The following HEMK2 variants were observed in gnomAD, a reference collection of about 807,000 sequenced individuals.
The protein encoded by HEMK2 is HemK methyltransferase 2, ETF1 glutamine and histone H4 lysine.
chr21:28,831,635 GA>G, the HEMK2 span, among the ~76,000 whole-genome samples: 15 of 28,168 alleles, frequency 5.3e-4, no homozygotes, highest in South Asian at 4.2e-3. Flanking sequence ...AAGAAGGAAG[GA>G]AAGAAAGAAA....
chr21:28,838,972 A>AAAAAAAATAT, the HEMK2 span, among the ~76,000 whole-genome samples: 10 of 29,148 alleles, frequency 3.4e-4, no homozygotes, highest in African/African-American at 5.8e-4. Context: ...AAAAAAAAAA[A>AAAAAAAATAT]ATATATATAT....
At chr21:28,600,404 G>A in the HEMK2 span, among the ~76,000 whole-genome samples, 1 of 152,352 alleles carries the variant, frequency 6.6e-6, no homozygotes, top group African/African-American at 2.4e-5. Context: ...GCTGTACCTT[G>A]GCCCCTTTTG....
chr21:28,752,420 G>A, the HEMK2 span, among the ~76,000 whole-genome samples: 1 of 152,234 alleles, frequency 6.6e-6, no homozygotes, highest in African/African-American at 2.4e-5. Context: ...ATCAAGGTAT[G>A]TGAGCCTGGC....
At chr21:28,757,046 C>A in the HEMK2 span, among the ~76,000 whole-genome samples, 1 of 152,228 alleles carries the variant, frequency 6.6e-6, no homozygotes, top group Admixed American at 6.5e-5. Context: ...CTCTACTACA[C>A]ATACTGCTAT....
At chr21:28,779,348 G>A in the HEMK2 span, among the ~76,000 whole-genome samples, 6 of 152,160 alleles carry the variant, frequency 3.9e-5, no homozygotes, top group Non-Finnish European at 8.8e-5. Flanking sequence ...ATCATGAGGA[G>A]TGAAATAAGC....
At chr21:28,766,864 G>T in the HEMK2 span, among the ~76,000 whole-genome samples, 608 of 152,108 alleles carry the variant, frequency 4.0e-3, 1 homozygote, top group Non-Finnish European at 7.2e-3. Context: ...AGGTTGGGAG[G>T]GGGTGAGGGA....
the HEMK2 span, among the ~76,000 whole-genome samples, chr21:28,601,056 T>C: frequency 4.6e-5 from 7 of 152,218 alleles, no homozygotes; most frequent in East Asian, 5.8e-4. Context: ...TTCTAACATA[T>C]TATGTCAACT....
At chr21:28,677,036 G>A in the HEMK2 span, among the ~76,000 whole-genome samples, 1 of 152,186 alleles carries the variant, frequency 6.6e-6, no homozygotes, top group Admixed American at 6.5e-5. Flanking sequence ...ACTGGGGAGT[G>A]TCAGAAAGTG....
the HEMK2 span, among the ~76,000 whole-genome samples, chr21:28,841,430 A>AT: frequency 4.5e-3 from 301 of 66,332 alleles, 17 homozygotes; most frequent in African/African-American, 0.02. Context: ...TATATAAAAT[A>AT]TATATATTAT....
the HEMK2 span, among the ~76,000 whole-genome samples, chr21:28,595,637 T>C: frequency 6.6e-6 from 1 of 152,214 alleles, no homozygotes; most frequent in African/African-American, 2.4e-5. Context: ...GCAAGAAATA[T>C]GGGAGTGCAC....
At chr21:28,635,103 T>TG in the HEMK2 span, among the ~76,000 whole-genome samples, 3 of 120,790 alleles carry the variant, frequency 2.5e-5, no homozygotes, top group African/African-American at 8.6e-5. Context: ...GTCCTCATCT[T>TG]TTTTTTTTTT....
At chr21:28,588,996 A>G in the HEMK2 span, among the ~76,000 whole-genome samples, 1 of 151,834 alleles carries the variant, frequency 6.6e-6, no homozygotes, top group African/African-American at 2.4e-5. Flanking sequence ...AAAAAAAAAA[A>G]AAGAGTTATT....
At chr21:28,611,694 G>A in the HEMK2 span, among the ~76,000 whole-genome samples, 4 of 152,018 alleles carry the variant, frequency 2.6e-5, no homozygotes, top group South Asian at 8.3e-4. Flanking sequence ...GATCACTTGA[G>A]GTCAGGAGTT....
chr21:28,700,868 T>C, the HEMK2 span, among the ~76,000 whole-genome samples: 1 of 151,314 alleles, frequency 6.6e-6, no homozygotes, highest in African/African-American at 2.4e-5. Flanking sequence ...TAGGACAATA[T>C]CCCTGATGAA....
At chr21:28,680,999 G>A in the HEMK2 span, among the ~76,000 whole-genome samples, 1 of 152,146 alleles carries the variant, frequency 6.6e-6, no homozygotes, top group Non-Finnish European at 1.5e-5. Flanking sequence ...CACAAGACAG[G>A]GATGCCCTCT....
the HEMK2 span, among the ~76,000 whole-genome samples, chr21:28,644,156 G>T: frequency 2.6e-5 from 4 of 152,250 alleles, no homozygotes; most frequent in Admixed American, 6.5e-5. Context: ...CACATGGCTG[G>T]GGAGGCCTCA....
the HEMK2 span, among the ~76,000 whole-genome samples, chr21:28,649,858 A>AAT: frequency 0.017 from 620 of 36,440 alleles, 15 homozygotes; most frequent in East Asian, 0.42. Flanking sequence ...AAAATAATAA[A>AAT]ATAATAAAAT....
the HEMK2 span, among the ~76,000 whole-genome samples, chr21:28,702,285 C>T: frequency 6.8e-6 from 1 of 146,746 alleles, no homozygotes; most frequent in East Asian, 2.0e-4. Flanking sequence ...GATCTTATGA[C>T]AAAGATGCCA....
chr21:28,687,429 A>AGAT, the HEMK2 span, among the ~76,000 whole-genome samples: 1 of 152,192 alleles, frequency 6.6e-6, no homozygotes, highest in Non-Finnish European at 1.5e-5. Context: ...TTTGTGGAGG[A>AGAT]GATTCAGGAA....
Sources: gnomAD v4.1 joint callset for allele counts (sites outside exome capture counted in the v4.1 genomes callset) on GRCh38, gnomAD v4.1.1 for gene constraint, MANE v1.5 for transcripts, NCBI Gene and HGNC (gene_info 2026-07-23, HGNC 2026-07-21) for gene names.